The following PRMT9 variants were observed in gnomAD, a reference collection of about 807,000 sequenced individuals.
The protein encoded by PRMT9 is protein arginine methyltransferase 9.
A neutral mutation model predicts 83.2 loss-of-function variants in PRMT9; 59 were observed. The observed-to-expected ratio is 0.71, with a 90% CI of 0.57 to 0.88. The LOEUF (loss-of-function observed/expected upper bound fraction) is 0.88. Among genes scored for constraint, PRMT9 ranks in the 40% least tolerant of loss-of-function variants. PRMT9 has a pLI of 0.00. For synonymous variants in PRMT9, 333 were observed against 353.2 expected, an observed-to-expected ratio of 0.94 and a Z score of 0.64; for missense variants, 947 against 1,021.9, an observed-to-expected ratio of 0.93 and a Z score of 1.00.
chr4:147,652,273 G>C (rs1734158828), intron 9 of PRMT9, among the ~76,000 whole-genome samples: 1 of 151,548 alleles, frequency 6.6e-6, no homozygotes, highest in Non-Finnish European at 1.5e-5. Flanking sequence ...CAAAATTTCT[G>C]GCTATTTACC....
intron 7 of PRMT9, among the ~76,000 whole-genome samples, chr4:147,660,296 C>T (rs986575437): frequency 1.3e-5 from 2 of 152,126 alleles, no homozygotes; most frequent in African/African-American, 4.8e-5. Flanking sequence ...ACCTGGCACC[C>T]TATATATTCC....
At chr4:147,664,030 C>G (rs1735152407) in intron 6 of PRMT9, among the ~76,000 whole-genome samples, 2 of 152,158 alleles carry the variant, frequency 1.3e-5, no homozygotes, top group Admixed American at 1.3e-4. Flanking sequence ...ATCAATAATG[C>G]AGGCAGGGCA....
chr4:147,644,899 G>A (rs1210834584), intron 9 of PRMT9, among the ~76,000 whole-genome samples: 2 of 152,146 alleles, frequency 1.3e-5, no homozygotes, highest in African/African-American at 4.8e-5. Context: ...ATTTTCATTT[G>A]CCACATTTAC....
In PRMT9 at chr4:147,654,294, C is replaced by A; in HGVS notation, c.1603G>T (p.Glu535Ter). 1 of 1,614,210 alleles carries A rather than the reference C, an allele frequency of 6.2e-7. No individual in the cohort carries two copies. Among genetic ancestry groups the A allele is most frequent in the Non-Finnish European group, 8.5e-7 (1 of 1,180,040 alleles). ...IALLNNIPYH[E>*]GFKMAMSKVL... ...TTGCTCATTGCCATTTTAAAGCCTTCATGATATGGGATGTTGTTAAGCAAA... is the reference window on the plus strand; with the variant it reads ...TTGCTCATTGCCATTTTAAAGCCTTAATGATATGGGATGTTGTTAAGCAAA... The change falls in exon 9 of 12, where the codon GAA (glutamate) becomes TAA (stop). Residue 535 changes from glutamate to a stop codon, truncating the protein, a stop_gained. Transcript: ENST00000322396. LOFTEE classifies it high-confidence loss of function.
chr4:147,679,251 ATG>A (rs1319841729), intron 2 of PRMT9, among the ~76,000 whole-genome samples: 1 of 151,930 alleles, frequency 6.6e-6, no homozygotes, highest in Non-Finnish European at 1.5e-5. Context: ...GGGCAACAAC[ATG>A]GCAAAATCCT....
chr4:147,647,770 A>C (rs576385078), intron 9 of PRMT9, among the ~76,000 whole-genome samples: 13 of 152,032 alleles, frequency 8.6e-5, no homozygotes, highest in Non-Finnish European at 1.5e-4. Context: ...TGATCCACCC[A>C]CCTCGGCCTC....
chr4:147,674,176 CCCTCTGTACAACACACTAATG>C (rs1325088338), intron 2 of PRMT9, among the ~76,000 whole-genome samples: 1 of 152,172 alleles, frequency 6.6e-6, no homozygotes, highest in Non-Finnish European at 1.5e-5. Context: ...CAACTCCATT[CCCTCTGTACAACACACTAATG>C]CCTATGGCTT....
chr4:147,665,270 G>A (rs1362881072), intron 6 of PRMT9, among the ~76,000 whole-genome samples: 1 of 151,950 alleles, frequency 6.6e-6, no homozygotes, highest in East Asian at 1.9e-4. Context: ...AGGATCTATT[G>A]ATGATTCTTG....
At chr4:147,643,749 C>T (rs1378376211) in intron 9 of PRMT9, among the ~76,000 whole-genome samples, 1 of 152,188 alleles carries the variant, frequency 6.6e-6, no homozygotes, top group Admixed American at 6.5e-5. Flanking sequence ...AATCCCAATA[C>T]TTTGGGAGGC....
intron 4 of PRMT9, among the ~76,000 whole-genome samples, chr4:147,672,535 G>A (rs1735804329): frequency 6.6e-6 from 1 of 152,198 alleles, no homozygotes; most frequent in Non-Finnish European, 1.5e-5. Context: ...AAAATATACT[G>A]ACAGCTGACA....
rs142122569 is a variant in PRMT9, at chr4:147,656,568, C to T, written c.1330+1224G>A. Among the ~76,000 whole-genome samples the T allele has an allele frequency of 8.5e-3, 1,295 of 151,788 alleles. 19 individuals carry two copies. Among genetic ancestry groups the T allele is most frequent in the African/African-American group, 0.03 (1,236 of 41,372 alleles). On this transcript the variant is annotated intron_variant, in intron 8 of 11. Transcript: ENST00000322396. ...TGGATGGATCAAGAGGTCAGGAGATCGAGACCATCCTGGCTAACACAGTGA... is the reference window on the plus strand; with the variant it reads ...TGGATGGATCAAGAGGTCAGGAGATTGAGACCATCCTGGCTAACACAGTGA...
intron 4 of PRMT9, among the ~76,000 whole-genome samples, chr4:147,672,605 T>A (rs1369139320): frequency 6.6e-6 from 1 of 152,238 alleles, no homozygotes; most frequent in Admixed American, 6.5e-5. Context: ...GTCCATTGAA[T>A]CTGAACTGCT....
intron 2 of PRMT9, among the ~76,000 whole-genome samples, chr4:147,674,399 C>T (rs1436652755): frequency 6.6e-6 from 1 of 152,072 alleles, no homozygotes; most frequent in Admixed American, 6.6e-5. Context: ...ATTGTGCCTA[C>T]AGACACTAAG....
intron 2 of PRMT9, among the ~76,000 whole-genome samples, chr4:147,679,445 CAA>C (rs1309244258): frequency 7.1e-6 from 1 of 140,076 alleles, no homozygotes. Context: ...CACACTGTCT[CAA>C]AAAAAAAAAA....
At chr4:147,683,767 T>C (rs1736665609) in intron 1 of PRMT9, 32 bp downstream of exon 1, 1 of 1,343,806 alleles carries the variant, frequency 7.4e-7, no homozygotes, top group Non-Finnish European at 1.0e-6. Context: ...GGACGTTGGA[T>C]CTGCCAGCAA....
At chr4:147,655,979 T>G (rs934929382) in intron 8 of PRMT9, among the ~76,000 whole-genome samples, 7 of 152,328 alleles carry the variant, frequency 4.6e-5, no homozygotes, top group Non-Finnish European at 1.0e-4. Context: ...CCAGTCACTG[T>G]GGTCGGCATT....
intron 3 of PRMT9, 21 bp from the exon 4 acceptor site, chr4:147,673,147 C>G: frequency 1.2e-6 from 2 of 1,611,938 alleles, no homozygotes; most frequent in South Asian, 1.1e-5. Flanking sequence ...AAAAAGTTCT[C>G]CATCAAGAAA....
Position 147,661,017 on chromosome 4 carries a change from A to G in PRMT9, c.975T>C (p.Ala325=), listed in dbSNP as rs369577785. The change falls in exon 7 of 12, where the codon GCT becomes GCC. Residue 325 remains alanine, a synonymous_variant. Transcript: ENST00000322396. ...RHHRVGIKDI[A]GIHLPTNVKF... Reference sequence around the variant, plus strand: ...TCACATTTGTTGGCAAATGGATACCAGCAATGTCCTTAATACCCACTCTGG... The same window carrying G: ...TCACATTTGTTGGCAAATGGATACCGGCAATGTCCTTAATACCCACTCTGG... 5 of 1,612,356 alleles carry G rather than the reference A, an allele frequency of 3.1e-6. No homozygotes were observed. In the Middle Eastern group the frequency reaches 5.0e-4, roughly 160 times the overall value.
intron 9 of PRMT9, among the ~76,000 whole-genome samples, chr4:147,644,539 TAAA>T (rs35094215): frequency 1.8e-5 from 2 of 111,878 alleles, no homozygotes; most frequent in African/African-American, 3.4e-5. Flanking sequence ...TGCTTATGGT[TAAA>T]AAAAAAAAAA....
Sources: gnomAD v4.1 joint callset for allele counts (sites outside exome capture counted in the v4.1 genomes callset) on GRCh38, gnomAD v4.1.1 for gene constraint, MANE v1.5 for transcripts, NCBI Gene and HGNC (gene_info 2026-07-23, HGNC 2026-07-21) for gene names.